JAKMIP2: variants seen among roughly 807,000 people sequenced by gnomAD.
The protein encoded by JAKMIP2 is janus kinase and microtubule interacting protein 2.
JAKMIP2 carries 25 observed loss-of-function variants against 115.0 expected under a neutral mutation model. The ratio of observed to expected loss-of-function variants is 0.22; its 90% CI spans 0.16 to 0.30. JAKMIP2 has a LOEUF of 0.30. JAKMIP2 is among the 10% of genes least tolerant of loss of function. The pLI is 1.00. For missense variants in JAKMIP2, 642 were observed against 957.6 expected (o/e 0.67, Z 4.35); for synonymous variants, 334 against 343.6 (o/e 0.97, Z 0.31).
intron 1 of JAKMIP2, among the ~76,000 whole-genome samples, chr5:147,710,474 TC>T (rs1671464401): frequency 6.6e-6 from 1 of 152,196 alleles, no homozygotes; most frequent in Non-Finnish European, 1.5e-5. Flanking sequence ...AAATCAGTAG[TC>T]CTAGAATCTA....
chr5:147,704,550 A>T (rs1752493975), intron 1 of JAKMIP2, among the ~76,000 whole-genome samples: 1 of 152,082 alleles, frequency 6.6e-6, no homozygotes. Context: ...GGAGGCTCCA[A>T]CATTAGAGGC....
chr5:147,735,181 A>C (rs78660569), intron 1 of JAKMIP2, among the ~76,000 whole-genome samples: 4,963 of 152,216 alleles, frequency 0.033, 143 homozygotes, highest in East Asian at 0.11. Flanking sequence ...CCTTGGCCAA[A>C]TTACTTAAAC....
At chr5:147,702,464 AGGGAGGGAG>A (rs2126887761) in intron 1 of JAKMIP2, among the ~76,000 whole-genome samples, 4 of 72,254 alleles carry the variant, frequency 5.5e-5, no homozygotes, top group African/African-American at 4.6e-4. Context: ...GAAGGAAGGA[AGGGAGGGAG>A]GGAAGGAAGA....
chr5:147,601,746 A>G lies in JAKMIP2; in HGVS notation c.*15T>C. 1.3e-6 allele frequency: 2 copies of G among 1,525,108 alleles called. No homozygotes were observed. The highest frequency in any genetic ancestry group is 1.8e-6 in the Non-Finnish European group (2 of 1,134,980). 94.5% of individuals were successfully genotyped at this position (1,525,108 alleles called of 1,614,324 possible). Reference sequence around the variant, plus strand: ...AGAATTAAATGGAATCTTACCTTTAAGAGGCACCTTGACATCAAGGCCATA... The same window carrying G: ...AGAATTAAATGGAATCTTACCTTTAGGAGGCACCTTGACATCAAGGCCATA... On this transcript the variant is annotated 3_prime_UTR_variant, in exon 21 of 22. Transcript: ENST00000616793.
intron 19 of JAKMIP2, 69 bp downstream of exon 19, chr5:147,617,842 C>T: frequency 8.0e-7 from 1 of 1,251,434 alleles, no homozygotes. Context: ...ATACTCAATA[C>T]CGTGTACCTA....
intron 1 of JAKMIP2, among the ~76,000 whole-genome samples, chr5:147,745,978 A>T (rs1754333429): frequency 6.6e-6 from 1 of 152,156 alleles, no homozygotes; most frequent in African/African-American, 2.4e-5. Flanking sequence ...CACTTAACTG[A>T]TATACACAAG....
chr5:147,651,754 A>C (rs1302226095), intron 3 of JAKMIP2, among the ~76,000 whole-genome samples: 1 of 152,208 alleles, frequency 6.6e-6, no homozygotes, highest in Non-Finnish European at 1.5e-5. Flanking sequence ...TTTGGGCTAA[A>C]TTCTGCATGA....
intron 2 of JAKMIP2, among the ~76,000 whole-genome samples, chr5:147,668,622 A>G (rs917281644): frequency 1.3e-5 from 2 of 152,216 alleles, no homozygotes; most frequent in African/African-American, 4.8e-5. Flanking sequence ...TAGGGATGAC[A>G]ATGCCCACCT....
chr5:147,738,534 C>T (rs1754012261), intron 1 of JAKMIP2, among the ~76,000 whole-genome samples: 2 of 152,134 alleles, frequency 1.3e-5, no homozygotes, highest in Admixed American at 1.3e-4. Flanking sequence ...TGGCATAAAT[C>T]TTGAAATGAA....
chr5:147,691,810 A>C (rs1228923445), intron 1 of JAKMIP2, among the ~76,000 whole-genome samples: 2 of 151,944 alleles, frequency 1.3e-5, no homozygotes, highest in South Asian at 4.1e-4. Context: ...GAGTCTGTGC[A>C]TGGGAGCGGT....
At chr5:147,651,761 A>G (rs542916666) in intron 3 of JAKMIP2, among the ~76,000 whole-genome samples, 75 of 152,324 alleles carry the variant, frequency 4.9e-4, no homozygotes, top group African/African-American at 1.7e-3. Flanking sequence ...TAAATTCTGC[A>G]TGATCTTGTA....
rs116629875 is a variant in JAKMIP2, at chr5:147,670,436, C to T, written c.129+1242G>A. 7.6e-3 allele frequency among the ~76,000 whole-genome samples: 1,161 copies of T among 151,894 alleles called. 7 individuals carry two copies. The highest frequency in any genetic ancestry group is 0.044 in the Middle Eastern group (13 of 294). On this transcript the variant is annotated intron_variant, in intron 2 of 21. Coordinates refer to ENST00000616793, the MANE Select transcript of JAKMIP2 (RefSeq NM_001270941.2). Reference sequence around the variant, plus strand: ...ATGGTGGTCTCTGGTTTGCAAGGAGCGAAAACATCTTATGAATGCTGGAGA... The same window carrying T: ...ATGGTGGTCTCTGGTTTGCAAGGAGTGAAAACATCTTATGAATGCTGGAGA...
At chr5:147,741,031 A>G (rs1754125022) in intron 1 of JAKMIP2, among the ~76,000 whole-genome samples, 1 of 152,106 alleles carries the variant, frequency 6.6e-6, no homozygotes, top group African/African-American at 2.4e-5. Context: ...GCTTCTTGGG[A>G]TGAAGCCGAT....
At position 147,733,661 on chromosome 5, in the gene JAKMIP2, G is replaced by C. The variant is rs1481244721; in HGVS notation, c.-149+48795C>G. Among the ~76,000 whole-genome samples the C allele has an allele frequency of 2.0e-5, 3 of 151,908 alleles. No homozygotes were observed. The East Asian group carries it at 5.8e-4, about 29-fold the overall frequency. On this transcript the variant is annotated intron_variant, in intron 1 of 21. Transcript: ENST00000616793. Reference sequence around the variant, plus strand: ...CCCGGTGCGTGATGTCCCCCTCCCTGTGTCCATGTGTTCTCATTGTTGGAC... The same window carrying C: ...CCCGGTGCGTGATGTCCCCCTCCCTCTGTCCATGTGTTCTCATTGTTGGAC...
In JAKMIP2 at chr5:147,696,439, TCTC is replaced by T. The variant is rs370351614; in HGVS notation, c.-148-24488_-148-24486del. Among the ~76,000 whole-genome samples, 7 of 152,278 alleles carry T rather than the reference TCTC, an allele frequency of 4.6e-5. No homozygotes were observed. In the South Asian group the frequency reaches 8.3e-4, roughly 18 times the overall value. On this transcript the variant is annotated intron_variant, in intron 1 of 21. Transcript: ENST00000616793. Reference sequence around the variant, plus strand: ...CCATGCAAAGAAGGATGTGTTTTCTTCTCCTTCTGCCATAATTTTAAGATTCCT... The same window carrying T: ...CCATGCAAAGAAGGATGTGTTTTCTTCTTCTGCCATAATTTTAAGATTCCT...
intron 19 of JAKMIP2, among the ~76,000 whole-genome samples, chr5:147,617,111 G>A (rs540946558): frequency 6.6e-6 from 1 of 152,128 alleles, no homozygotes; most frequent in Non-Finnish European, 1.5e-5. Context: ...GTCAGGCTAT[G>A]GCATGAATAA....
chr5:147,661,172 T>A lies in JAKMIP2; in HGVS notation c.403A>T (p.Ile135Phe), dbSNP rs758401881. 9 of 1,613,976 alleles carry A rather than the reference T, an allele frequency of 5.6e-6. No individual in the cohort carries two copies. Among genetic ancestry groups the A allele is most frequent in the Non-Finnish European group, 7.6e-6 (9 of 1,180,022 alleles). Residue 135 changes from isoleucine (I) to phenylalanine (F), a missense_variant, in exon 3 of 22, where the codon ATT becomes TTT. Transcript: ENST00000616793. Reference sequence around the variant, plus strand: ...TTCCGGGCCTCCTCCCGGGCCTCAATGGTGAGCGCTGTCCTTACTTTGTCA... The same window carrying A: ...TTCCGGGCCTCCTCCCGGGCCTCAAAGGTGAGCGCTGTCCTTACTTTGTCA... Reference protein sequence around the residue: ...SSDKVRTALTIEAREEARKLF... With the variant: ...SSDKVRTALTFEAREEARKLF...
intron 3 of JAKMIP2, among the ~76,000 whole-genome samples, chr5:147,657,125 A>T (rs1362030263): frequency 2.0e-5 from 3 of 152,062 alleles, no homozygotes; most frequent in Non-Finnish European, 4.4e-5. Context: ...TAAAAATACA[A>T]AAAAATTGGC....
At chr5:147,619,239 T>C (rs893139228) in intron 18 of JAKMIP2, among the ~76,000 whole-genome samples, 8 of 152,158 alleles carry the variant, frequency 5.3e-5, no homozygotes, top group African/African-American at 1.9e-4. Context: ...AGGATAAATA[T>C]GGTTTTCTGA....
Sources: allele counts gnomAD v4.1 joint callset (sites outside exome capture counted in the v4.1 genomes callset), GRCh38; gene constraint gnomAD v4.1.1; transcripts MANE v1.5; gene names NCBI Gene and HGNC (gene_info 2026-07-23, HGNC 2026-07-21).